PTPN5: variants seen among roughly 807,000 people sequenced by gnomAD.
PTPN5 encodes the protein tyrosine-protein phosphatase non-receptor type 5.
In PTPN5, 29 loss-of-function variants were observed where a neutral mutation model predicts 73.9. That is an observed-to-expected ratio of 0.39 (90% CI 0.29 to 0.54). PTPN5 has a LOEUF of 0.54. Ranked by LOEUF, PTPN5 falls within the 20% of genes least tolerant of loss-of-function variation. The probability of loss-of-function intolerance (pLI) is 0.65; values close to 1 mark genes in which losing one functional copy is unlikely to be tolerated. For missense variants in PTPN5, 652 were observed against 751.4 expected (o/e 0.87, Z 1.55); for synonymous variants, 267 against 304.7 (o/e 0.88, Z 1.29).
intron 4 of PTPN5, 199 bp downstream of exon 4, chr11:18,743,807 G>C: frequency 3.2e-6 from 2 of 619,882 alleles, no homozygotes; most frequent in Non-Finnish European, 5.3e-6. Context: ...GGCAGGGTGT[G>C]AGGTCTCAGA....
Position 18,730,000 on chromosome 11 carries a change from CT to C in PTPN5, c.1330-183del. 1.3e-6 allele frequency: 1 copy of C among 783,168 alleles called. No homozygotes were observed. The highest frequency in any genetic ancestry group is 2.1e-6 in the Non-Finnish European group (1 of 481,716). 48.5% of individuals were successfully genotyped at this position (783,168 alleles called of 1,614,324 possible). A position where few individuals can be genotyped will look rare whatever the true frequency, so the allele number is the denominator to read the frequency against. ...GCACCAGACACAGACCCAAAGCCAG[CT>C]TGGTTTTGGGGGTTGGTCAGCAGCG... On this transcript the variant is annotated intron_variant, in intron 12 of 14. Transcript: ENST00000358540. The surrounding 1 kb of genome is among the most constrained non-coding windows in gnomAD (Gnocchi z 5.2).
chr11:18,757,226 T>G lies in PTPN5; in HGVS notation c.97+8581A>C, dbSNP rs570284267. Among the ~76,000 whole-genome samples the G allele has an allele frequency of 2.0e-5, 3 of 152,262 alleles. No homozygotes were observed. The East Asian group carries it at 5.8e-4, about 29-fold the overall frequency. On this transcript the variant is annotated intron_variant, in intron 3 of 14. Transcript: ENST00000358540. ...TCTCACTGAATTCTTATAACTACCA[T>G]GAAAAAAATTGCTTTTCTCATTTCA...
intron 1 of PTPN5, among the ~76,000 whole-genome samples, chr11:18,782,870 A>G (rs1851503947): frequency 6.6e-6 from 1 of 152,220 alleles, no homozygotes. Flanking sequence ...TTTTACATCA[A>G]AGAACTCTCC....
chr11:18,763,062 T>G lies in PTPN5; in HGVS notation c.97+2745A>C, dbSNP rs930227642. Among the ~76,000 whole-genome samples the G allele has an allele frequency of 2.0e-5, 3 of 152,178 alleles. No individual in the cohort carries two copies. In the East Asian group the frequency reaches 5.8e-4, roughly 29 times the overall value. On this transcript the variant is annotated intron_variant, in intron 3 of 14. Coordinates refer to ENST00000358540, the MANE Select transcript of PTPN5 (RefSeq NM_006906.2). ...TGCAGAAATGAAACAGAGAGGTCCT[T>G]GCCTTCAGAGAGCTCATGACCCCAT...
At chr11:18,735,990 C>T (rs982355017) in intron 9 of PTPN5, among the ~76,000 whole-genome samples, 7 of 152,114 alleles carry the variant, frequency 4.6e-5, no homozygotes, top group East Asian at 1.9e-4. Flanking sequence ...CAGCCTGGCA[C>T]GGCTCCAGGG....
rs1290997939 is a variant in PTPN5 at position 18,729,845 on chromosome 11, AG to A, written c.1330-28del. 1 of 1,613,922 alleles carries A rather than the reference AG, an allele frequency of 6.2e-7. No individual in the cohort carries two copies. Among genetic ancestry groups the A allele is most frequent in the African/African-American group, 1.3e-5 (1 of 74,932 alleles). On this transcript the variant is annotated intron_variant, in intron 12 of 14. Coordinates refer to ENST00000358540, the MANE Select transcript of PTPN5 (RefSeq NM_006906.2). This position sits in a 1 kb window ranked among gnomAD's most constrained non-coding sequence, Gnocchi z 5.2. Reference sequence around the variant, plus strand: ...TGTCGAGGAGACAGAGGCCCACCCCAGGTATGTGTGAACTCTTTCAGCTCAC... The same window carrying A: ...TGTCGAGGAGACAGAGGCCCACCCCAGTATGTGTGAACTCTTTCAGCTCAC...
At position 18,771,974 on chromosome 11, in the gene PTPN5, A is replaced by G; in HGVS notation, c.-16T>C. ...CATAATTCATTCCCAAGGTGTCTGG[A>G]TGGGGAAGGGTGCCATCTTCCAGGG... On this transcript the variant is annotated 5_prime_UTR_variant, in exon 2 of 15. Transcript: ENST00000358540. 6.4e-7 allele frequency: 1 copy of G among 1,566,876 alleles called. No homozygotes were observed. Among genetic ancestry groups the G allele is most frequent in the Non-Finnish European group, 8.6e-7 (1 of 1,163,528 alleles).
At chr11:18,747,968 G>C (rs1015740086) in intron 3 of PTPN5, among the ~76,000 whole-genome samples, 6 of 152,070 alleles carry the variant, frequency 3.9e-5, no homozygotes, top group African/African-American at 1.4e-4. Flanking sequence ...TTTGGGGTGG[G>C]GTGAGATTAG....
chr11:18,740,696 G>A lies in PTPN5; in HGVS notation c.822C>T (p.Ala274=), dbSNP rs767160619. ...GYLMSPREES[A]REYLLSASRV... ...GGGAGGCGCTGAGCAGGTACTCGCG[G>A]GCGGACTCCTCACGTGGGGACATGA... Residue 274 remains alanine (A), a synonymous_variant, in exon 8 of 15, where the codon GCC becomes GCT. Coordinates refer to ENST00000358540, the MANE Select transcript of PTPN5 (RefSeq NM_006906.2). 2 of 1,609,524 alleles carry A rather than the reference G, an allele frequency of 1.2e-6. No homozygotes were observed. The highest frequency in any genetic ancestry group is 2.3e-5 in the East Asian group (1 of 44,438).
At chr11:18,782,037 T>C (rs1484741377) in intron 1 of PTPN5, among the ~76,000 whole-genome samples, 1 of 152,184 alleles carries the variant, frequency 6.6e-6, no homozygotes, top group Non-Finnish European at 1.5e-5. Context: ...AGAGTAGACG[T>C]AAGAGGGACT....
chr11:18,784,054 T>C (rs1851560597), intron 1 of PTPN5, among the ~76,000 whole-genome samples: 1 of 152,186 alleles, frequency 6.6e-6, no homozygotes, highest in Admixed American at 6.5e-5. Context: ...TCCTAAGACT[T>C]CACTCAGTGG....
chr11:18,729,484 G>A lies in PTPN5; in HGVS notation c.1573C>T (p.Leu525=), dbSNP rs1312449903. Residue 525 remains leucine (L), a synonymous_variant, in exon 14 of 15, where the codon CTG becomes TTG. Coordinates refer to ENST00000358540, the MANE Select transcript of PTPN5 (RefSeq NM_006906.2). This position sits in a 1 kb window ranked among gnomAD's most constrained non-coding sequence, Gnocchi z 5.2. ...QLRQEGVVDI[L]KTTCQLRQDR... Reference sequence around the variant, plus strand: ...TGACGGAGCTGGCACGTGGTCTTCAGGATGTCCACCACACCCTCCTGCCGC... The same window carrying A: ...TGACGGAGCTGGCACGTGGTCTTCAAGATGTCCACCACACCCTCCTGCCGC... The A allele has an allele frequency of 6.3e-7, 1 of 1,589,526 alleles. No individual in the cohort carries two copies. The highest frequency in any genetic ancestry group is 8.6e-7 in the Non-Finnish European group (1 of 1,162,498).
At chr11:18,788,947 T>A (rs1851791966) in intron 1 of PTPN5, among the ~76,000 whole-genome samples, 1 of 152,348 alleles carries the variant, frequency 6.6e-6, no homozygotes, top group African/African-American at 2.4e-5. Context: ...AAATTAATTA[T>A]GAAATTCTAT....
chr11:18,771,790 G>T, intron 2 of PTPN5, 149 bp downstream of exon 2: 2 of 684,080 alleles, frequency 2.9e-6, no homozygotes, highest in Admixed American at 2.9e-5. Context: ...CAGCAGGCAG[G>T]GGCAGAGGGC....
intron 1 of PTPN5, among the ~76,000 whole-genome samples, chr11:18,790,159 G>C (rs1241502586): frequency 1.3e-5 from 2 of 151,926 alleles, no homozygotes; most frequent in Non-Finnish European, 2.9e-5. Context: ...CTGCCCTTGA[G>C]GGAGCCGCGT....
intron 1 of PTPN5, among the ~76,000 whole-genome samples, chr11:18,788,435 CTTCTT>C (rs1210460654): frequency 6.6e-6 from 1 of 152,216 alleles, no homozygotes; most frequent in Non-Finnish European, 1.5e-5. Flanking sequence ...TCTCAAGTCC[CTTCTT>C]TTATTCTTTT....
chr11:18,735,702 T>G (rs1849081629), intron 9 of PTPN5, among the ~76,000 whole-genome samples: 1 of 150,882 alleles, frequency 6.6e-6, no homozygotes, highest in Admixed American at 6.6e-5. Flanking sequence ...GAGGCAGAGG[T>G]TGCAGTGAGC....
chr11:18,789,963 C>A (rs1447797072), intron 1 of PTPN5, among the ~76,000 whole-genome samples: 2 of 152,110 alleles, frequency 1.3e-5, no homozygotes, highest in Non-Finnish European at 2.9e-5. Context: ...AAAGGAAGTT[C>A]TTGAGACCAG....
At chr11:18,790,458 G>A (rs1005638117) in intron 1 of PTPN5, among the ~76,000 whole-genome samples, 1 of 152,154 alleles carries the variant, frequency 6.6e-6, no homozygotes, top group African/African-American at 2.4e-5. Flanking sequence ...GTCCTGGGTG[G>A]ATCAGGACTA....
Sources: gnomAD v4.1 joint callset for allele counts (sites outside exome capture counted in the v4.1 genomes callset) on GRCh38, gnomAD v4.1.1 for gene constraint, Gnocchi (gnomAD v3.1) non-coding constraint, MANE v1.5 for transcripts, NCBI Gene and HGNC (gene_info 2026-07-23, HGNC 2026-07-21) for gene names.